Variants in PLCH2 observed in about 807,000 individuals in gnomAD.
The protein encoded by PLCH2 is phospholipase C eta 2.
A neutral mutation model predicts 134.7 loss-of-function variants in PLCH2; 98 were observed. The observed-to-expected ratio is 0.73, with a 90% CI of 0.62 to 0.86. The LOEUF (loss-of-function observed/expected upper bound fraction) is 0.86, where lower values mean the gene tolerates loss of function less well. Ranked by LOEUF, PLCH2 falls within the 40% of genes least tolerant of loss-of-function variation. The pLI, the probability that PLCH2 is intolerant of heterozygous loss-of-function variation, is 0.00. For missense variants in PLCH2, 1,994 were observed against 1,986.6 expected, an observed-to-expected ratio of 1.00 and a Z score of -0.07; for synonymous variants, 974 against 827.5, an observed-to-expected ratio of 1.18 and a Z score of -3.04.
chr1:2,419,145 C>T, the PLCH2 span, among the ~76,000 whole-genome samples: 4 of 152,180 alleles, frequency 2.6e-5, 1 homozygote, highest in Non-Finnish European at 5.9e-5. Context: ...GCGTGGGGCC[C>T]GTCCCAGGAG....
exon 1 of PLCH2, chr1:2,467,466 G>C: frequency 2.5e-6 from 1 of 392,828 alleles, no homozygotes. Flanking sequence ...CCTCACGGGC[G>C]GGCGCGGCAG....
chr1:2,463,519 T>C (rs1002822461), upstream of PLCH2, among the ~76,000 whole-genome samples: 6 of 152,132 alleles, frequency 3.9e-5, no homozygotes, highest in African/African-American at 1.2e-4. Context: ...GAGACATATG[T>C]AGGACAGAAC....
upstream of PLCH2, among the ~76,000 whole-genome samples, chr1:2,421,963 G>A (rs1638536473): frequency 6.8e-6 from 1 of 147,488 alleles, no homozygotes; most frequent in African/African-American, 2.5e-5. Context: ...GACGGAGCAA[G>A]ACTTTATCTC....
chr1:2,459,566 TTGCCGGTGG>T, intron 2 of PLCH2, among the ~76,000 whole-genome samples: 2 of 143,042 alleles, frequency 1.4e-5, no homozygotes, highest in African/African-American at 5.2e-5. Flanking sequence ...GTGGTCCTCC[TTGCCGGTGG>T]TCCTCCTTGC....
intron 1 of PLCH2, among the ~76,000 whole-genome samples, chr1:2,428,351 T>C (rs1638899131): frequency 6.6e-6 from 1 of 152,206 alleles, no homozygotes; most frequent in Non-Finnish European, 1.5e-5. Flanking sequence ...CTCTGACCTG[T>C]AGGCCCTCTC....
intron 2 of PLCH2, among the ~76,000 whole-genome samples, chr1:2,446,601 T>C (rs1044068646): frequency 1.3e-5 from 2 of 152,218 alleles, no homozygotes; most frequent in African/African-American, 4.8e-5. Context: ...CTCCTGGAGA[T>C]GTCTCCGGCG....
At chr1:2,475,518 G>C (rs1360479107), upstream of PLCH2, among the ~76,000 whole-genome samples, 1 of 152,248 alleles carries the variant, frequency 6.6e-6, no homozygotes, top group Admixed American at 6.5e-5. Flanking sequence ...TGCGGGGCCA[G>C]TACACAGGGT....
At chr1:2,443,333 A>G (rs1043262266) in intron 2 of PLCH2, among the ~76,000 whole-genome samples, 2 of 152,164 alleles carry the variant, frequency 1.3e-5, no homozygotes, top group African/African-American at 4.8e-5. Context: ...CCCAGGCCCC[A>G]GTCCTCAAAC....
chr1:2,449,791 GCT>G (rs1640108821), intron 2 of PLCH2, among the ~76,000 whole-genome samples: 1 of 152,220 alleles, frequency 6.6e-6, no homozygotes, highest in South Asian at 2.1e-4. Flanking sequence ...CTGCCTGTAA[GCT>G]CTGCCTAGCC....
chr1:2,498,100 C>A lies in PLCH2; in HGVS notation c.2225-423C>A, dbSNP rs985677654. The A allele has an allele frequency of 1.7e-5, 4 of 241,608 alleles. No individual in the cohort carries two copies. Among genetic ancestry groups the A allele is most frequent in the Non-Finnish European group, 3.2e-5 (4 of 124,128 alleles). The allele number at this position is 241,608 out of a possible 1,614,324, so 15.0% of individuals were successfully genotyped here. On this transcript the variant is annotated intron_variant, in intron 16 of 21. Coordinates refer to ENST00000378486, the MANE Select transcript of PLCH2 (RefSeq NM_014638.4). The surrounding 1 kb of genome is among the most constrained non-coding windows in gnomAD (Gnocchi z 5.4). ...GGGAGAGGGCAGGACAGGGGCTGGG[C>A]GAGCAGGCCTCCCACTAGACCAGGC...
At chr1:2,425,598 C>T (rs1638754462), upstream of PLCH2, among the ~76,000 whole-genome samples, 1 of 152,144 alleles carries the variant, frequency 6.6e-6, no homozygotes, top group Non-Finnish European at 1.5e-5. Flanking sequence ...ACTGCAATTT[C>T]TGCCTTCTGT....
chr1:2,446,628 C>T (rs545321034), intron 2 of PLCH2, among the ~76,000 whole-genome samples: 4 of 152,362 alleles, frequency 2.6e-5, no homozygotes, highest in South Asian at 2.1e-4. Context: ...GCTAGCCAGC[C>T]GGGAGAACAG....
chr1:2,437,661 C>G (rs534281819), intron 2 of PLCH2, among the ~76,000 whole-genome samples: 1 of 152,248 alleles, frequency 6.6e-6, no homozygotes, highest in Non-Finnish European at 1.5e-5. Flanking sequence ...CTGCCTCTCT[C>G]TCTAGGGACA....
chr1:2,446,058 G>A lies in PLCH2; in HGVS notation c.115+15429G>A, dbSNP rs968592332. 2.0e-5 allele frequency among the ~76,000 whole-genome samples: 3 copies of A among 152,214 alleles called. 1 individual carries two copies. Among genetic ancestry groups the A allele is most frequent in the Non-Finnish European group, 4.4e-5 (3 of 68,032 alleles). On this transcript the variant is annotated intron_variant, in intron 2 of 3. Coordinates refer to the PLCH2 transcript ENST00000609981. ...CCGACGGGAGGGGGGCTGAGGACCAGCCCAGAGGGTCCCTCCCGCTGCCTG... is the reference window on the plus strand; with the variant it reads ...CCGACGGGAGGGGGGCTGAGGACCAACCCAGAGGGTCCCTCCCGCTGCCTG...
chr1:2,492,845 T>C (rs1158603750), intron 11 of PLCH2, among the ~76,000 whole-genome samples: 1 of 152,080 alleles, frequency 6.6e-6, no homozygotes, highest in African/African-American at 2.4e-5. Flanking sequence ...ACGTGAGACC[T>C]CTACTCACGA....
intron 20 of PLCH2, chr1:2,499,947 G>C: frequency 1.7e-6 from 1 of 602,972 alleles, no homozygotes; most frequent in Non-Finnish European, 3.0e-6. Flanking sequence ...TGGGCATCTC[G>C]GGCAGGACAG....
At chr1:2,470,080 C>T (rs1398112689) in intron 1 of PLCH2, among the ~76,000 whole-genome samples, 15 of 152,218 alleles carry the variant, frequency 9.9e-5, no homozygotes, top group Admixed American at 9.2e-4. Flanking sequence ...GACTTGGGGA[C>T]GGTGGCCACA....
intron 4 of PLCH2, among the ~76,000 whole-genome samples, chr1:2,481,980 T>C (rs1641995051): frequency 6.6e-6 from 1 of 152,256 alleles, no homozygotes; most frequent in Non-Finnish European, 1.5e-5. Context: ...GGATAAACAC[T>C]TGGCTTGAGG....
intron 2 of PLCH2, among the ~76,000 whole-genome samples, chr1:2,456,333 C>T (rs557092680): frequency 1.3e-5 from 2 of 152,326 alleles, no homozygotes; most frequent in South Asian, 2.1e-4. Context: ...CGCTGAGCCC[C>T]GCAGGGTCTT....
Sources: gnomAD v4.1 joint callset for allele counts (sites outside exome capture counted in the v4.1 genomes callset) on GRCh38, gnomAD v4.1.1 for gene constraint, Gnocchi (gnomAD v3.1) non-coding constraint, MANE v1.5 for transcripts, NCBI Gene and HGNC (gene_info 2026-07-23, HGNC 2026-07-21) for gene names.